The following ERBB4 variants were observed in gnomAD, a reference collection of about 807,000 sequenced individuals.
The protein encoded by ERBB4 is receptor tyrosine-protein kinase erbB-4.
ERBB4 carries 42 observed loss-of-function variants against 158.0 expected under a neutral mutation model. The observed-to-expected ratio is 0.27, with a 90% CI of 0.21 to 0.34. ERBB4 has a LOEUF of 0.34. ERBB4 is among the 10% of genes least tolerant of loss of function. The pLI is 1.00. For missense variants in ERBB4, 1,333 were observed against 1,624.1 expected (o/e 0.82, Z 3.08); for synonymous variants, 583 against 558.7 (o/e 1.04, Z -0.61).
At chr2:212,130,200 A>G (rs961567828) in intron 1 of ERBB4, among the ~76,000 whole-genome samples, 1 of 152,136 alleles carries the variant, frequency 6.6e-6, no homozygotes, top group Non-Finnish European at 1.5e-5. Context: ...AAGTCCTTAA[A>G]CTATAAGCCT....
chr2:212,358,638 T>A (rs1361375293), intron 1 of ERBB4, among the ~76,000 whole-genome samples: 2 of 151,810 alleles, frequency 1.3e-5, no homozygotes, highest in Non-Finnish European at 2.9e-5. Flanking sequence ...TTTACCCTGT[T>A]TAAATTATGA....
At chr2:211,875,025 C>CAAAAAAAAAAAAAAAAAA (rs746636278) in intron 3 of ERBB4, among the ~76,000 whole-genome samples, 1 of 27,018 alleles carries the variant, frequency 3.7e-5, no homozygotes, top group African/African-American at 1.5e-4. Flanking sequence ...AATAGAAATG[C>CAAAAAAAAAAAAAAAAAA]AAAAAAAAAA....
At chr2:211,892,650 T>C (rs2078998660) in intron 3 of ERBB4, among the ~76,000 whole-genome samples, 2 of 145,824 alleles carry the variant, frequency 1.4e-5, no homozygotes, top group Middle Eastern at 3.4e-3. Flanking sequence ...TGATTGTATA[T>C]CTAGAAAACC....
chr2:212,168,474 G>C lies in ERBB4; in HGVS notation c.83-43571C>G, dbSNP rs189021485. ...TTTCTTCAAGAGACAGTTTCTAATGGAGGGCACCATGCTAAGAGCTGTGGG... is the reference window on the plus strand; with the variant it reads ...TTTCTTCAAGAGACAGTTTCTAATGCAGGGCACCATGCTAAGAGCTGTGGG... On this transcript the variant is annotated intron_variant, in intron 1 of 27. Coordinates refer to ENST00000342788, the MANE Select transcript of ERBB4 (RefSeq NM_005235.3). Among the ~76,000 whole-genome samples, 589 of 152,228 alleles carry C rather than the reference G, an allele frequency of 3.9e-3. 1 individual carries two copies. Among genetic ancestry groups the C allele is most frequent in the African/African-American group, 0.012 (516 of 41,564 alleles).
intron 20 of ERBB4, among the ~76,000 whole-genome samples, chr2:211,435,767 C>A (rs1266662937): frequency 3.3e-5 from 5 of 152,216 alleles, no homozygotes; most frequent in Non-Finnish European, 5.9e-5. Context: ...CGGGCCCCCA[C>A]AAAAACAGTC....
At chr2:212,238,735 C>G (rs986479842) in intron 1 of ERBB4, among the ~76,000 whole-genome samples, 2 of 151,926 alleles carry the variant, frequency 1.3e-5, no homozygotes, top group Non-Finnish European at 2.9e-5. Context: ...AATTTTTAAG[C>G]AACGAGTTTA....
At chr2:211,848,061 G>C (rs558247202) in intron 3 of ERBB4, among the ~76,000 whole-genome samples, 1 of 152,078 alleles carries the variant, frequency 6.6e-6, no homozygotes. Context: ...TAATTCTCCA[G>C]ACTAATTCTG....
At chr2:212,524,402 T>G (rs998688725) in intron 1 of ERBB4, among the ~76,000 whole-genome samples, 1 of 152,034 alleles carries the variant, frequency 6.6e-6, no homozygotes, top group Non-Finnish European at 1.5e-5. Context: ...TCATTCTGAC[T>G]AATAATATGA....
At chr2:212,251,669 G>T (rs1298068580) in intron 1 of ERBB4, among the ~76,000 whole-genome samples, 1 of 151,890 alleles carries the variant, frequency 6.6e-6, no homozygotes, top group South Asian at 2.1e-4. Flanking sequence ...TGAGGTAGGG[G>T]TGTGCCCAAT....
intron 1 of ERBB4, among the ~76,000 whole-genome samples, chr2:212,435,205 T>C (rs2092111354): frequency 6.6e-6 from 1 of 151,936 alleles, no homozygotes; most frequent in Non-Finnish European, 1.5e-5. Context: ...GCCCTCCTGT[T>C]TTCAGTGCCC....
chr2:212,008,344 T>A (rs962008194), intron 2 of ERBB4, among the ~76,000 whole-genome samples: 1 of 152,100 alleles, frequency 6.6e-6, no homozygotes, highest in Non-Finnish European at 1.5e-5. Flanking sequence ...GCCAAATGTG[T>A]TCTGATTTGT....
At chr2:211,773,121 C>T (rs1013772582) in intron 4 of ERBB4, among the ~76,000 whole-genome samples, 1 of 150,144 alleles carries the variant, frequency 6.7e-6, no homozygotes, top group East Asian at 2.0e-4. Flanking sequence ...GGATCAGGCA[C>T]CTGGGTCTTA....
At position 211,759,104 on chromosome 2, in the gene ERBB4, C is replaced by A. The variant is rs186694588; in HGVS notation, c.557-8400G>T. Among the ~76,000 whole-genome samples the A allele has an allele frequency of 1.3e-3, 197 of 152,250 alleles. 1 individual carries two copies. The highest frequency in any genetic ancestry group is 3.3e-3 in the Admixed American group (51 of 15,282). On this transcript the variant is annotated intron_variant, in intron 4 of 27. Transcript: ENST00000342788. Reference sequence around the variant, plus strand: ...GCTCAATTCTTTCAGAAGCTTCTGCCAAAAACTTTGGAGTCATCCTCAGCT... The same window carrying A: ...GCTCAATTCTTTCAGAAGCTTCTGCAAAAAACTTTGGAGTCATCCTCAGCT...
At chr2:211,679,954 A>G (rs2072266688) in intron 12 of ERBB4, among the ~76,000 whole-genome samples, 1 of 152,208 alleles carries the variant, frequency 6.6e-6, no homozygotes, top group South Asian at 2.1e-4. Context: ...TGCTGGGATT[A>G]CAGTCGTGAG....
chr2:212,447,058 G>A (rs977865951), intron 1 of ERBB4, among the ~76,000 whole-genome samples: 1 of 149,920 alleles, frequency 6.7e-6, no homozygotes. Context: ...GTGCAGTGGC[G>A]CAATCTCAGC....
intron 25 of ERBB4, among the ~76,000 whole-genome samples, chr2:211,407,984 T>C (rs1362855151): frequency 2.0e-5 from 3 of 152,220 alleles, no homozygotes; most frequent in Non-Finnish European, 4.4e-5. Context: ...TCAGTCCTTA[T>C]TGAGAATAAA....
chr2:212,466,116 AT>A (rs1688821886), intron 1 of ERBB4, among the ~76,000 whole-genome samples: 1 of 152,218 alleles, frequency 6.6e-6, no homozygotes, highest in African/African-American at 2.4e-5. Flanking sequence ...AGAAACTATT[AT>A]TATTCAACTT....
chr2:211,863,567 C>T (rs369113784), intron 3 of ERBB4, among the ~76,000 whole-genome samples: 4 of 152,184 alleles, frequency 2.6e-5, no homozygotes, highest in Admixed American at 6.5e-5. Flanking sequence ...CTACTCCAGA[C>T]GTGCCACCTT....
chr2:212,205,741 A>AT (rs1487922165), intron 1 of ERBB4, among the ~76,000 whole-genome samples: 1 of 152,202 alleles, frequency 6.6e-6, no homozygotes, highest in East Asian at 1.9e-4. Context: ...ATAAGTAGTC[A>AT]GATACTTAGG....
Sources: allele counts gnomAD v4.1 joint callset (sites outside exome capture counted in the v4.1 genomes callset), GRCh38; gene constraint gnomAD v4.1.1; transcripts MANE v1.5; gene names NCBI Gene and HGNC (gene_info 2026-07-23, HGNC 2026-07-21).